The following RGSL1 variants were observed in gnomAD, a reference collection of about 807,000 sequenced individuals.
RGSL1 encodes regulator of G protein signaling like 1.
RGSL1 carries 97 observed loss-of-function variants against 124.7 expected under a neutral mutation model. The observed-to-expected ratio is 0.78, with a 90% CI of 0.66 to 0.92. The LOEUF is 0.92. Ranked by LOEUF, RGSL1 falls within the 40% of genes least tolerant of loss-of-function variation. The pLI, the probability that RGSL1 is intolerant of heterozygous loss-of-function variation, is 0.00. For missense variants in RGSL1, 1,233 were observed against 1,288.4 expected (o/e 0.96, Z 0.66); for synonymous variants, 424 against 438.1 (o/e 0.97, Z 0.40).
chr1:182,527,437 T>G, intron 10 of RGSL1, 142 bp from the exon 11 acceptor site: 1 of 648,020 alleles, frequency 1.5e-6, no homozygotes, highest in Non-Finnish European at 2.6e-6. Flanking sequence ...ATAGACAGAT[T>G]TAGCCAATCC....
intron 9 of RGSL1, among the ~76,000 whole-genome samples, chr1:182,505,713 T>G (rs977458891): frequency 2.0e-5 from 3 of 152,180 alleles, no homozygotes; most frequent in Non-Finnish European, 4.4e-5. Context: ...TATTATTATA[T>G]CTCTCCATTA....
chr1:182,539,752 T>G (rs1659767846), intron 14 of RGSL1, among the ~76,000 whole-genome samples: 1 of 152,252 alleles, frequency 6.6e-6, no homozygotes, highest in Admixed American at 6.5e-5. Context: ...GTGGCTCTTG[T>G]GCTCTCCTTT....
At chr1:182,501,238 G>A (rs146989477) in intron 9 of RGSL1, among the ~76,000 whole-genome samples, 1 of 140,460 alleles carries the variant, frequency 7.1e-6, no homozygotes, top group Non-Finnish European at 1.6e-5. Flanking sequence ...CAATTGAGAT[G>A]ATTTTCGTCC....
chr1:182,472,782 G>A (rs1023660289), intron 5 of RGSL1, among the ~76,000 whole-genome samples: 9 of 152,180 alleles, frequency 5.9e-5, no homozygotes, highest in African/African-American at 2.2e-4. Context: ...GCCAATGAAG[G>A]CTGGCTGGAA....
At chr1:182,461,785 A>G (rs559702801) in intron 4 of RGSL1, among the ~76,000 whole-genome samples, 12 of 61,588 alleles carry the variant, frequency 1.9e-4, no homozygotes, top group Non-Finnish European at 4.9e-4. Context: ...AGAAGATAGG[A>G]CAGTAGAAAC....
intron 4 of RGSL1, among the ~76,000 whole-genome samples, chr1:182,464,852 T>C (rs2477875): frequency 0.086 from 13,073 of 151,754 alleles, 765 homozygotes; most frequent in East Asian, 0.26. Context: ...TCTACAAAGC[T>C]AGGATGAGAG....
At chr1:182,521,846 C>T (rs927534423) in intron 9 of RGSL1, among the ~76,000 whole-genome samples, 158 bp from the exon 10 acceptor site, 2 of 152,218 alleles carry the variant, frequency 1.3e-5, no homozygotes, top group Non-Finnish European at 2.9e-5. Flanking sequence ...ATCCCTAAGT[C>T]TGTTCTTAAC....
intron 4 of RGSL1, chr1:182,460,796 A>T: frequency 2.2e-6 from 1 of 447,616 alleles, no homozygotes; most frequent in Non-Finnish European, 4.5e-6. Context: ...GAAACTTGCA[A>T]TGTTTGGGGG....
At chr1:182,503,000 C>CA (rs1286923316) in intron 9 of RGSL1, among the ~76,000 whole-genome samples, 3 of 152,042 alleles carry the variant, frequency 2.0e-5, no homozygotes, top group African/African-American at 7.2e-5. Flanking sequence ...AAAAGACAGG[C>CA]AATAACAAAT....
At chr1:182,470,745 A>T (rs1399629058) in intron 4 of RGSL1, among the ~76,000 whole-genome samples, 1 of 152,142 alleles carries the variant, frequency 6.6e-6, no homozygotes. Flanking sequence ...AAGCACCTAT[A>T]TTGGTACCTG....
intron 3 of RGSL1, among the ~76,000 whole-genome samples, chr1:182,459,468 A>G (rs1571469942): frequency 6.6e-6 from 1 of 152,136 alleles, no homozygotes; most frequent in Non-Finnish European, 1.5e-5. Flanking sequence ...TGATTTCCCA[A>G]GGATAACCCT....
At chr1:182,461,731 T>C (rs542216527) in intron 4 of RGSL1, among the ~76,000 whole-genome samples, 27 of 152,072 alleles carry the variant, frequency 1.8e-4, no homozygotes, top group Middle Eastern at 3.2e-3. Context: ...ACTAGAAAGA[T>C]TTAAAGGCAG....
chr1:182,464,727 GA>G (rs1053256045), intron 4 of RGSL1, among the ~76,000 whole-genome samples: 130 of 105,822 alleles, frequency 1.2e-3, no homozygotes, highest in Middle Eastern at 0.011. Context: ...CTGCTCAGAA[GA>G]AAAAAAAAAA....
intron 4 of RGSL1, among the ~76,000 whole-genome samples, chr1:182,463,655 T>A (rs556945411): frequency 4.6e-5 from 7 of 152,318 alleles, no homozygotes; most frequent in African/African-American, 1.7e-4. Context: ...AGTTTCAACA[T>A]ATCAAGATGT....
At chr1:182,468,419 A>T (rs1011791668) in intron 4 of RGSL1, among the ~76,000 whole-genome samples, 8 of 152,242 alleles carry the variant, frequency 5.3e-5, no homozygotes, top group Non-Finnish European at 1.0e-4. Flanking sequence ...CATATACACC[A>T]TGGAATACTA....
intron 9 of RGSL1, among the ~76,000 whole-genome samples, chr1:182,517,568 A>AT (rs1308694708): frequency 2.0e-5 from 3 of 150,932 alleles, no homozygotes; most frequent in African/African-American, 7.3e-5. Flanking sequence ...TGATTTTTAT[A>AT]TTTTTTCTTC....
intron 14 of RGSL1, among the ~76,000 whole-genome samples, chr1:182,538,941 C>T (rs1212184472): frequency 6.6e-6 from 1 of 152,096 alleles, no homozygotes; most frequent in African/African-American, 2.4e-5. Flanking sequence ...GTAGAATCAA[C>T]AGCATTTGGT....
chr1:182,488,991 G>T lies in RGSL1; in HGVS notation c.1506G>T (p.Arg502Ser). The change falls in exon 8 of 22, where the codon AGG becomes AGT. Residue 502 changes from arginine (R) to serine (S), a missense_variant. Arg to Ser is a moderately radical substitution (Grantham distance 110, BLOSUM62 -1). Transcript: ENST00000294854. ...CCCTCTTCTCTTAGACACAGAACAGGTTCATCAGCTCCAGACAGCATAAAA... is the reference window on the plus strand; with the variant it reads ...CCCTCTTCTCTTAGACACAGAACAGTTTCATCAGCTCCAGACAGCATAAAA... ...YWFLLFTTQN[R>S]FISSRQHKRE... The T allele has an allele frequency of 6.4e-7, 1 of 1,550,558 alleles. No individual in the cohort carries two copies. The highest frequency in any genetic ancestry group is 2.0e-5 in the Admixed American group (1 of 50,982).
intron 9 of RGSL1, among the ~76,000 whole-genome samples, chr1:182,495,120 A>G (rs1655820213): frequency 6.6e-6 from 1 of 152,166 alleles, no homozygotes; most frequent in Non-Finnish European, 1.5e-5. Flanking sequence ...GGCTTTTATT[A>G]GGGATGTTAC....
Sources: gnomAD v4.1 joint callset for allele counts (sites outside exome capture counted in the v4.1 genomes callset) on GRCh38, gnomAD v4.1.1 for gene constraint, MANE v1.5 for transcripts, NCBI Gene and HGNC (gene_info 2026-07-23, HGNC 2026-07-21) for gene names.